Variants in WDR17 observed in about 807,000 individuals in gnomAD.
WDR17 encodes WD repeat-containing protein 17.
Under a neutral mutation model 161.7 loss-of-function variants are expected in WDR17, and 143 were observed. The ratio of observed to expected loss-of-function variants is 0.88; its 90% CI spans 0.77 to 1.02. The LOEUF (loss-of-function observed/expected upper bound fraction) is 1.02. Among genes scored for constraint, WDR17 ranks in the 50% least tolerant of loss-of-function variants. The probability of loss-of-function intolerance (pLI) is 0.00; values close to 1 mark genes in which losing one functional copy is unlikely to be tolerated. For synonymous variants in WDR17, 517 were observed against 515.6 expected (o/e 1.00, Z -0.04); for missense variants, 1,469 against 1,520.9 (o/e 0.97, Z 0.57).
intron 23 of WDR17, among the ~76,000 whole-genome samples, chr4:176,170,097 C>T (rs890043665): frequency 6.6e-6 from 1 of 152,030 alleles, no homozygotes; most frequent in South Asian, 2.1e-4. Context: ...CTTGTCTAAG[C>T]TTTAAGACTT....
At chr4:176,131,473 G>A in intron 6 of WDR17, 81 bp from the exon 7 acceptor site, 1 of 1,338,698 alleles carries the variant, frequency 7.5e-7, no homozygotes, top group Non-Finnish European at 1.0e-6. Flanking sequence ...ACAGATTCTG[G>A]ATTTTTTTTT....
intron 13 of WDR17, among the ~76,000 whole-genome samples, chr4:176,149,533 A>C (rs1335763052): frequency 6.6e-6 from 1 of 152,132 alleles, no homozygotes; most frequent in Non-Finnish European, 1.5e-5. Flanking sequence ...GACTCCCAGG[A>C]AAGTGCTGGG....
intron 12 of WDR17, 76 bp from the exon 13 acceptor site, chr4:176,148,057 C>T (rs1746470872): frequency 8.1e-7 from 1 of 1,229,990 alleles, no homozygotes; most frequent in African/African-American, 1.5e-5. Context: ...AATTATTATA[C>T]TCTATTAAGA....
intron 22 of WDR17, among the ~76,000 whole-genome samples, chr4:176,163,923 G>T (rs1364693001): frequency 4.6e-5 from 7 of 152,264 alleles, no homozygotes; most frequent in African/African-American, 1.7e-4. Flanking sequence ...ATTGAATAAA[G>T]ATTATTTTAG....
At chr4:176,152,785 A>G (rs375051254) in intron 17 of WDR17, among the ~76,000 whole-genome samples, 1 of 150,258 alleles carries the variant, frequency 6.7e-6, no homozygotes, top group East Asian at 2.0e-4. Context: ...AAATATAAAA[A>G]TTAGCCCAGC....
chr4:176,171,947 A>G (rs1275430400), intron 23 of WDR17, among the ~76,000 whole-genome samples: 1 of 152,178 alleles, frequency 6.6e-6, no homozygotes, highest in Non-Finnish European at 1.5e-5. Flanking sequence ...GTGACGTTAA[A>G]TTACAGCGTA....
In WDR17 at chr4:176,180,065, T is replaced by A. The variant is rs1039214382; in HGVS notation, c.*486T>A. The A allele has an allele frequency of 6.6e-6, 1 of 152,160 alleles. No individual in the cohort carries two copies. Among genetic ancestry groups the A allele is most frequent in the Non-Finnish European group, 1.5e-5 (1 of 68,036 alleles). The allele number at this position is 152,160 out of a possible 1,614,324, so 9.4% of individuals were successfully genotyped here. ...AACACTTACGTTCTCCTTTATAAAA[T>A]GCATAGTAAACCACTAACGTTAGCT... On this transcript the variant is annotated 3_prime_UTR_variant, in exon 29 of 29. Transcript: ENST00000508596.
intron 1 of WDR17, among the ~76,000 whole-genome samples, chr4:176,071,357 C>G (rs1733218797): frequency 7.0e-6 from 1 of 143,610 alleles, no homozygotes; most frequent in African/African-American, 2.5e-5. Context: ...GAGTCTCACT[C>G]TGTCGCCCAG....
In WDR17 at chr4:176,149,812, A is replaced by G. The variant is rs770243672; in HGVS notation, c.1903A>G (p.Thr635Ala). Residue 635 changes from threonine to alanine, a missense_variant, in exon 14 of 29, where the codon ACC (threonine) becomes GCC (alanine). Thr to Ala is a moderately conservative substitution (Grantham distance 58). Coordinates refer to ENST00000508596, the MANE Select transcript of WDR17 (RefSeq NM_181265.4). ...YDHGADVYGL[T>A]CHPSRPFTMA... ...TAGGTTTTTATTTTCATCAGGTTTA[A>G]CCTGCCATCCCAGTCGCCCCTTCAC... 10 of 1,611,960 alleles carry G rather than the reference A, an allele frequency of 6.2e-6. No homozygotes were observed. In the East Asian group the frequency reaches 2.2e-4, roughly 36 times the overall value.
rs1752005383 is a variant in WDR17 at position 176,180,092 on chromosome 4, T to C, written c.*513T>C. On this transcript the variant is annotated 3_prime_UTR_variant, in exon 29 of 29. Coordinates refer to ENST00000508596, the MANE Select transcript of WDR17 (RefSeq NM_181265.4). ...CATAGTAAACCACTAACGTTAGCTG[T>C]TTTAATAAAAGTTTTCAGTTATAAG... is the stretch of plus-strand genomic sequence containing the variant. 2.0e-5 allele frequency: 3 copies of C among 152,262 alleles called. No individual in the cohort carries two copies. In the South Asian group the frequency reaches 6.2e-4, roughly 32 times the overall value. The allele number at this position is 152,262 out of a possible 1,614,324, so 9.4% of individuals were successfully genotyped here.
At chr4:176,070,373 C>T (rs113388342) in intron 1 of WDR17, among the ~76,000 whole-genome samples, 5,635 of 152,138 alleles carry the variant, frequency 0.037, 151 homozygotes, top group Non-Finnish European at 0.055. Flanking sequence ...TGTGCCTGGG[C>T]CCTACCTTAG....
intron 1 of WDR17, among the ~76,000 whole-genome samples, chr4:176,080,997 T>A (rs1734678477): frequency 6.6e-6 from 1 of 152,048 alleles, no homozygotes; most frequent in South Asian, 2.1e-4. Flanking sequence ...GAGCTCCTAC[T>A]GAATTCTCTC....
intron 1 of WDR17, among the ~76,000 whole-genome samples, chr4:176,110,631 C>G (rs750191610): frequency 6.6e-6 from 1 of 152,192 alleles, no homozygotes; most frequent in African/African-American, 2.4e-5. Context: ...CATAGACTTA[C>G]AGCCTCACCA....
chr4:176,066,618 A>T (rs146428034), intron 1 of WDR17, among the ~76,000 whole-genome samples: 124 of 152,302 alleles, frequency 8.1e-4, no homozygotes, highest in African/African-American at 2.9e-3. Context: ...CCAAAATCAG[A>T]CTTGTTTTGC....
chr4:176,151,164 G>A (rs544352221), intron 16 of WDR17, among the ~76,000 whole-genome samples: 6 of 152,292 alleles, frequency 3.9e-5, no homozygotes, highest in African/African-American at 1.4e-4. Flanking sequence ...TCCATGAAGA[G>A]GAAGTTACTT....
chr4:176,174,988 G>A (rs140566204), intron 26 of WDR17, among the ~76,000 whole-genome samples: 6 of 152,220 alleles, frequency 3.9e-5, no homozygotes, highest in South Asian at 2.1e-4. Flanking sequence ...TTTTACTGCC[G>A]TGCAGTGATT....
At chr4:176,104,815 G>C (rs1403367688) in intron 1 of WDR17, among the ~76,000 whole-genome samples, 1 of 151,906 alleles carries the variant, frequency 6.6e-6, no homozygotes, top group Non-Finnish European at 1.5e-5. Context: ...AAGCGTTGCA[G>C]GAAATGAGGA....
intron 1 of WDR17, among the ~76,000 whole-genome samples, chr4:176,093,634 A>G (rs2126635702): frequency 6.6e-6 from 1 of 152,320 alleles, no homozygotes; most frequent in South Asian, 2.1e-4. Context: ...ACATAGATAC[A>G]GGGATGCGAA....
intron 1 of WDR17, chr4:176,068,135 T>C (rs904211443): frequency 3.3e-5 from 5 of 152,196 alleles, no homozygotes; most frequent in African/African-American, 4.8e-5. Context: ...TTCATGATAA[T>C]TATGTATATG....
Sources: allele counts gnomAD v4.1 joint callset (sites outside exome capture counted in the v4.1 genomes callset), GRCh38; gene constraint gnomAD v4.1.1; transcripts MANE v1.5; gene names NCBI Gene and HGNC (gene_info 2026-07-23, HGNC 2026-07-21).